Variants in FRA10AC1 observed in about 807,000 individuals in gnomAD.
FRA10AC1 encodes the protein protein FRA10AC1.
In FRA10AC1, 43 loss-of-function variants were observed where a neutral mutation model predicts 56.5. That is an observed-to-expected ratio of 0.76 (90% CI 0.60 to 0.98). The LOEUF (loss-of-function observed/expected upper bound fraction) is 0.98, where lower values mean the gene tolerates loss of function less well. FRA10AC1 is among the 50% of genes least tolerant of loss of function. The pLI is 0.00. For missense variants in FRA10AC1, 346 were observed against 351.8 expected, an observed-to-expected ratio of 0.98 and a Z score of 0.13; for synonymous variants, 112 against 110.5, an observed-to-expected ratio of 1.01 and a Z score of -0.09.
Position 93,669,765 on chromosome 10 carries a change from G to T in FRA10AC1, c.*61C>A. On this transcript the variant is annotated 3_prime_UTR_variant, in exon 14 of 14. Transcript: ENST00000359204. ...AAAAACTTATATGGAATTTCAAATT[G>T]CATGAAGTTTAAAACTTCATGAAGT... 9.3e-7 allele frequency: 1 copy of T among 1,075,786 alleles called. No homozygotes were observed. The highest frequency in any genetic ancestry group is 1.4e-6 in the Non-Finnish European group (1 of 724,692). The allele number at this position is 1,075,786 out of a possible 1,614,324, so 66.6% of individuals were successfully genotyped here.
rs1248206236 is a variant in FRA10AC1, at chr10:93,693,486, A to ATG, written c.297-758_297-757insCA. 1.0e-3 allele frequency among the ~76,000 whole-genome samples: 26 copies of ATG among 24,938 alleles called. 1 individual carries two copies. The highest frequency in any genetic ancestry group is 2.2e-3 in the Admixed American group (4 of 1,838). 16.4% of individuals were successfully genotyped at this position (24,938 alleles called of 152,430 possible). A position where few individuals can be genotyped will look rare whatever the true frequency, so the allele number is the denominator to read the frequency against. ...TAAAGAAAATGTGGTGTGTGTGTAT[A>ATG]TATATATATATATATATATATACAC... On this transcript the variant is annotated intron_variant, in intron 5 of 13. Coordinates refer to ENST00000359204, the MANE Select transcript of FRA10AC1 (RefSeq NM_145246.5).
chr10:93,696,098 C>T (rs958296231), intron 4 of FRA10AC1, among the ~76,000 whole-genome samples: 2 of 152,168 alleles, frequency 1.3e-5, no homozygotes, highest in African/African-American at 2.4e-5. Context: ...ATACTAATAA[C>T]AACTAAAATC....
At chr10:93,692,336 T>A (rs1390933624) in intron 6 of FRA10AC1, among the ~76,000 whole-genome samples, 1 of 152,160 alleles carries the variant, frequency 6.6e-6, no homozygotes, top group East Asian at 1.9e-4. Context: ...CTTTGTAATG[T>A]TTGGATTTAA....
In FRA10AC1 at chr10:93,669,706, C is replaced by A; in HGVS notation, c.*120G>T. ...CTGAGAGAACCTGGATTTTTATTTCCAAAGACAAACCACACAAGCTGTAAC... is the reference window on the plus strand; with the variant it reads ...CTGAGAGAACCTGGATTTTTATTTCAAAAGACAAACCACACAAGCTGTAAC... On this transcript the variant is annotated 3_prime_UTR_variant, in exon 14 of 14. Coordinates refer to ENST00000359204, the MANE Select transcript of FRA10AC1 (RefSeq NM_145246.5). 1 of 690,378 alleles carries A rather than the reference C, an allele frequency of 1.4e-6. No homozygotes were observed. 42.8% of individuals were successfully genotyped at this position (690,378 alleles called of 1,614,324 possible). A position where few individuals can be genotyped will look rare whatever the true frequency, so the allele number is the denominator to read the frequency against.
intron 10 of FRA10AC1, 104 bp downstream of exon 10, chr10:93,683,952 A>G (rs2058979770): frequency 1.0e-5 from 8 of 782,514 alleles, no homozygotes; most frequent in Non-Finnish European, 2.1e-6. Flanking sequence ...TGATCAACCA[A>G]TTCAACCATC....
At chr10:93,691,906 G>A in intron 7 of FRA10AC1, 103 bp downstream of exon 7, 1 of 1,252,694 alleles carries the variant, frequency 8.0e-7, no homozygotes, top group Non-Finnish European at 1.1e-6. Context: ...ACTGAGTCTA[G>A]AATTAGCATC....
chr10:93,690,349 A>C (rs1434554380), intron 7 of FRA10AC1, among the ~76,000 whole-genome samples: 1 of 152,204 alleles, frequency 6.6e-6, no homozygotes, highest in Non-Finnish European at 1.5e-5. Flanking sequence ...ACAATCACTC[A>C]TCATGTTCTA....
intron 11 of FRA10AC1, among the ~76,000 whole-genome samples, chr10:93,679,801 A>G (rs970201522): frequency 6.6e-6 from 1 of 152,196 alleles, no homozygotes; most frequent in Non-Finnish European, 1.5e-5. Context: ...AGAATATAAC[A>G]GTAGCCTATA....
chr10:93,692,839 T>G (rs759456934), intron 5 of FRA10AC1, 110 bp from the exon 6 acceptor site: 40 of 572,492 alleles, frequency 7.0e-5, no homozygotes, highest in Non-Finnish European at 1.2e-4. Flanking sequence ...TACATGAAGA[T>G]AGTTTTTTGG....
At chr10:93,701,006 A>AT (rs898349048) in intron 1 of FRA10AC1, among the ~76,000 whole-genome samples, 16 of 150,196 alleles carry the variant, frequency 1.1e-4, no homozygotes, top group Non-Finnish European at 1.8e-4. Context: ...ACTTAAAAAA[A>AT]TTTTTTTTTT....
At chr10:93,697,799 A>G (rs565959398) in intron 4 of FRA10AC1, among the ~76,000 whole-genome samples, 2 of 152,356 alleles carry the variant, frequency 1.3e-5, no homozygotes, top group African/African-American at 4.8e-5. Context: ...AGGTAGGAAG[A>G]GAATAAATTA....
chr10:93,693,497 T>C (rs1231116492), intron 5 of FRA10AC1, among the ~76,000 whole-genome samples: 2 of 54,892 alleles, frequency 3.6e-5, no homozygotes, highest in Admixed American at 2.0e-4. Context: ...TATATATATA[T>C]ATATATATAT....
intron 7 of FRA10AC1, among the ~76,000 whole-genome samples, chr10:93,688,713 C>G (rs1359011375): frequency 3.3e-5 from 5 of 152,080 alleles, no homozygotes; most frequent in Admixed American, 2.6e-4. Context: ...TTACTTGAAC[C>G]TGGGAGGTGG....
intron 8 of FRA10AC1, 191 bp from the exon 9 acceptor site, chr10:93,685,550 A>C: frequency 2.5e-6 from 1 of 397,438 alleles, no homozygotes; most frequent in Non-Finnish European, 4.4e-6. Flanking sequence ...ACCAAAAAAA[A>C]TCAGTCACAG....
chr10:93,702,030 A>ACAT (rs1235136613), intron 1 of FRA10AC1, among the ~76,000 whole-genome samples: 3 of 152,028 alleles, frequency 2.0e-5, no homozygotes, highest in East Asian at 1.9e-4. Context: ...AGTAAATGTT[A>ACAT]CATCATCATC....
intron 11 of FRA10AC1, among the ~76,000 whole-genome samples, chr10:93,680,760 T>C (rs983269062): frequency 1.3e-5 from 2 of 152,228 alleles, no homozygotes; most frequent in African/African-American, 2.4e-5. Flanking sequence ...TAATAGCTAA[T>C]ATGTGCCAAG....
chr10:93,691,953 A>T, intron 7 of FRA10AC1, 56 bp downstream of exon 7: 1 of 1,502,572 alleles, frequency 6.7e-7, no homozygotes, highest in South Asian at 1.2e-5. Flanking sequence ...AGTATAATAA[A>T]AGTTAATATT....
At chr10:93,698,775 A>G (rs10882307) in intron 2 of FRA10AC1, among the ~76,000 whole-genome samples, 61,807 of 151,348 alleles carry the variant, frequency 0.41, 14,693 homozygotes, top group Non-Finnish European at 0.52. Context: ...TTAATGATAC[A>G]CAAAAAGCAA....
intron 2 of FRA10AC1, among the ~76,000 whole-genome samples, chr10:93,699,239 A>C (rs892185350): frequency 6.6e-6 from 1 of 152,256 alleles, no homozygotes; most frequent in Non-Finnish European, 1.5e-5. Context: ...AATTTATTAT[A>C]ATTAGTACTA....
Sources: gnomAD v4.1 joint callset for allele counts (sites outside exome capture counted in the v4.1 genomes callset) on GRCh38, gnomAD v4.1.1 for gene constraint, MANE v1.5 for transcripts, NCBI Gene and HGNC (gene_info 2026-07-23, HGNC 2026-07-21) for gene names.